The following PPM1E variants were observed in gnomAD, a reference collection of about 807,000 sequenced individuals.
PPM1E encodes the protein protein phosphatase, Mg2+/Mn2+ dependent 1E.
A neutral mutation model predicts 65.9 loss-of-function variants in PPM1E; 20 were observed. That is an observed-to-expected ratio of 0.30 (90% CI 0.21 to 0.44). The LOEUF is 0.44. Among genes scored for constraint, PPM1E ranks in the 20% least tolerant of loss-of-function variants. The pLI, the probability that PPM1E is intolerant of heterozygous loss-of-function variation, is 1.00. For synonymous variants in PPM1E, 352 were observed against 374.9 expected, an observed-to-expected ratio of 0.94 and a Z score of 0.70; for missense variants, 713 against 953.1, an observed-to-expected ratio of 0.75 and a Z score of 3.32.
In PPM1E at chr17:58,756,063, T is replaced by G; in HGVS notation, c.66T>G (p.Phe22Leu). The change falls in exon 1 of 7, where the codon TTT (phenylalanine) becomes TTG (leucine). Residue 22 changes from phenylalanine (F) to leucine (L), a missense_variant. This residue lies in a region of PPM1E where 212 missense variants were observed against 204.0 expected (regional missense o/e 1.04). Transcript: ENST00000308249. ...TCCTGGAGCTATTCCTGGGCGAGTT[T>G]CGCGGACCGTGCGGCGGCGGCGAGC... ...RRFLELFLGEFRGPCGGGEPE... is the reference protein window; with the variant it reads ...RRFLELFLGELRGPCGGGEPE... 6.2e-7 allele frequency: 1 copy of G among 1,613,724 alleles called. No homozygotes were observed. The highest frequency in any genetic ancestry group is 1.3e-5 in the African/African-American group (1 of 74,962).
chr17:58,810,213 TG>T (rs2050352746), intron 1 of PPM1E, among the ~76,000 whole-genome samples: 1 of 152,104 alleles, frequency 6.6e-6, no homozygotes, highest in African/African-American at 2.4e-5. Context: ...TGTACTTTTT[TG>T]TTTTTTTTTT....
intron 1 of PPM1E, among the ~76,000 whole-genome samples, chr17:58,944,553 C>A (rs374853807): frequency 1.3e-5 from 2 of 149,602 alleles, no homozygotes; most frequent in South Asian, 2.1e-4. Context: ...CTATTCTGGG[C>A]TTTTCATATA....
chr17:58,871,088 G>T (rs117505576), intron 1 of PPM1E, among the ~76,000 whole-genome samples: 1,882 of 152,220 alleles, frequency 0.012, 22 homozygotes, highest in Non-Finnish European at 0.019. Context: ...AGGCTAGAGT[G>T]CAGTGGTGTG....
Position 58,967,836 on chromosome 17 carries a change from GCT to G in PPM1E, c.784-1700_784-1699del, listed in dbSNP as rs141579765. Among the ~76,000 whole-genome samples the G allele has an allele frequency of 3.6e-4, 53 of 147,136 alleles. 4 individuals are homozygous for G. In the East Asian group the frequency reaches 0.011, roughly 29 times the overall value. On this transcript the variant is annotated intron_variant, in intron 3 of 6. Coordinates refer to ENST00000308249, the MANE Select transcript of PPM1E (RefSeq NM_014906.5). ...TTTTTTTTGAAACGGAGTCTCGCTC[GCT>G]CTGTCTCCAGGCTGGAGTGAAGTGG...
chr17:58,800,787 G>A (rs1250115729), intron 1 of PPM1E, among the ~76,000 whole-genome samples: 1 of 152,060 alleles, frequency 6.6e-6, no homozygotes, highest in Non-Finnish European at 1.5e-5. Flanking sequence ...CCTCACCTGG[G>A]TGATGGTCTC....
intron 1 of PPM1E, among the ~76,000 whole-genome samples, chr17:58,929,153 A>G (rs1224467640): frequency 6.6e-6 from 1 of 152,212 alleles, no homozygotes; most frequent in East Asian, 1.9e-4. Context: ...TTGATATACA[A>G]TAATATGATG....
intron 1 of PPM1E, among the ~76,000 whole-genome samples, chr17:58,781,103 T>C (rs2050045044): frequency 6.6e-6 from 1 of 151,944 alleles, no homozygotes. Flanking sequence ...TAGATACTTT[T>C]TGGATAGGAA....
intron 1 of PPM1E, among the ~76,000 whole-genome samples, chr17:58,928,259 T>C (rs527558566): frequency 2.6e-5 from 4 of 152,178 alleles, no homozygotes; most frequent in Non-Finnish European, 4.4e-5. Flanking sequence ...ATTCGCTTTA[T>C]CTGGCAGATA....
intron 1 of PPM1E, among the ~76,000 whole-genome samples, chr17:58,786,124 C>G (rs1342609101): frequency 6.6e-6 from 1 of 151,726 alleles, no homozygotes; most frequent in African/African-American, 2.4e-5. Flanking sequence ...ACGCCATTCT[C>G]CTGCCTCAGC....
At chr17:58,972,768 G>A in intron 5 of PPM1E, 64 bp from the exon 6 acceptor site, 1 of 1,394,478 alleles carries the variant, frequency 7.2e-7, no homozygotes, top group Non-Finnish European at 1.0e-6. Context: ...GTTGTTTACT[G>A]TTAAAGTAAA....
intron 1 of PPM1E, among the ~76,000 whole-genome samples, chr17:58,884,030 C>G (rs957614821): frequency 2.6e-5 from 4 of 152,180 alleles, no homozygotes; most frequent in African/African-American, 9.7e-5. Context: ...TTCATCTGTG[C>G]ATAGGGTCAC....
rs146973323 is a variant in PPM1E at position 58,893,536 on chromosome 17, A to G, written c.465-62113A>G. The stretch of plus-strand genomic sequence containing the variant: ...AATGCTATAAAGATGGATATATGTT[A>G]TTATACATTTATCAAAACCCACAGA... On this transcript the variant is annotated intron_variant, in intron 1 of 6. Transcript: ENST00000308249. 5.8e-3 allele frequency among the ~76,000 whole-genome samples: 883 copies of G among 152,314 alleles called. 5 individuals are homozygous for G. Among genetic ancestry groups the G allele is most frequent in the African/African-American group, 9.5e-3 (394 of 41,556 alleles).
At chr17:58,831,075 A>G (rs1421338092) in intron 1 of PPM1E, among the ~76,000 whole-genome samples, 3 of 151,244 alleles carry the variant, frequency 2.0e-5, no homozygotes, top group African/African-American at 7.3e-5. Flanking sequence ...CAGTAGCACA[A>G]TCTCAGCTCA....
intron 1 of PPM1E, among the ~76,000 whole-genome samples, chr17:58,764,434 C>T (rs961719166): frequency 6.6e-6 from 1 of 151,958 alleles, no homozygotes; most frequent in African/African-American, 2.4e-5. Context: ...GGGTGCAGTG[C>T]CTCACCCTTG....
chr17:58,845,256 T>C (rs887304750), intron 1 of PPM1E, among the ~76,000 whole-genome samples: 2 of 151,854 alleles, frequency 1.3e-5, no homozygotes, highest in African/African-American at 2.4e-5. Context: ...GATTTACTTT[T>C]ACAGATTCAT....
chr17:58,885,451 A>G (rs2051254575), intron 1 of PPM1E, among the ~76,000 whole-genome samples: 3 of 152,204 alleles, frequency 2.0e-5, no homozygotes, highest in Admixed American at 6.5e-5. Flanking sequence ...GACCTTTGGT[A>G]GTTTGTGCAT....
chr17:58,923,398 AG>A, intron 1 of PPM1E, among the ~76,000 whole-genome samples: 1 of 152,108 alleles, frequency 6.6e-6, no homozygotes. Flanking sequence ...GGATCACTTG[AG>A]GCCAGGAGTT....
intron 1 of PPM1E, among the ~76,000 whole-genome samples, chr17:58,927,719 C>A (rs1172325581): frequency 1.3e-5 from 2 of 151,690 alleles, no homozygotes; most frequent in Non-Finnish European, 2.9e-5. Context: ...CCAGCTTGGG[C>A]AACAAAGTGA....
chr17:58,853,807 G>A (rs2050853630), intron 1 of PPM1E, among the ~76,000 whole-genome samples: 1 of 152,012 alleles, frequency 6.6e-6, no homozygotes, highest in African/African-American at 2.4e-5. Flanking sequence ...CTCCAGCCTG[G>A]ACGACAGAGT....
Sources: allele counts gnomAD v4.1 joint callset (sites outside exome capture counted in the v4.1 genomes callset), GRCh38; gene constraint gnomAD v4.1.1; regional missense constraint gnomAD v4.1.1; transcripts MANE v1.5; gene names NCBI Gene and HGNC (gene_info 2026-07-23, HGNC 2026-07-21).